The following ARHGAP23 variants were observed in gnomAD, a reference collection of about 807,000 sequenced individuals.
The protein encoded by ARHGAP23 is rho GTPase-activating protein 23.
Under a neutral mutation model 136.3 loss-of-function variants are expected in ARHGAP23, and 34 were observed. The ratio of observed to expected loss-of-function variants is 0.25; its 90% CI spans 0.19 to 0.33. The LOEUF (loss-of-function observed/expected upper bound fraction) is 0.33. Ranked by LOEUF, ARHGAP23 falls within the 10% of genes least tolerant of loss-of-function variation. The pLI, the probability that ARHGAP23 is intolerant of heterozygous loss-of-function variation, is 1.00. For missense variants in ARHGAP23, 1,808 were observed against 2,139.0 expected, an observed-to-expected ratio of 0.85 and a Z score of 3.05; for synonymous variants, 832 against 920.5, an observed-to-expected ratio of 0.90 and a Z score of 1.74.
chr17:38,509,841 T>C lies in ARHGAP23; in HGVS notation c.3448-103T>C, dbSNP rs1236951274. On this transcript the variant is annotated intron_variant, in intron 23 of 23. Transcript: ENST00000622683. ...GTGGGTGCTGGCCTTGGCTGGGGCT[T>C]GTGGCGACTGGGTGCCGTGACGTGG... 5 of 933,014 alleles carry C rather than the reference T, an allele frequency of 5.4e-6. No individual in the cohort carries two copies. In the African/African-American group the frequency reaches 6.9e-5, roughly 13 times the overall value. 57.8% of individuals were successfully genotyped at this position (933,014 alleles called of 1,614,324 possible).
chr17:38,421,840 C>G (rs2038523600), intron 1 of ARHGAP23, among the ~76,000 whole-genome samples: 1 of 152,206 alleles, frequency 6.6e-6, no homozygotes, highest in Non-Finnish European at 1.5e-5. Context: ...GAGGTGGGAG[C>G]CTCCTCTCTA....
intron 1 of ARHGAP23, among the ~76,000 whole-genome samples, chr17:38,430,803 C>T (rs2038670356): frequency 6.6e-6 from 1 of 152,056 alleles, no homozygotes; most frequent in East Asian, 1.9e-4. Context: ...TCAAATATTC[C>T]AGCAAATATA....
chr17:38,469,175 A>C lies in ARHGAP23; in HGVS notation c.1680A>C (p.Gln560His). Residue 560 changes from glutamine to histidine, a missense_variant, in exon 8 of 24, where the codon CAA becomes CAC. Around this residue, in one of 7 missense-constraint regions of ARHGAP23, gnomAD observed 859 missense variants for 936.4 expected, o/e 0.92. Transcript: ENST00000622683. ...CCACCAGCCCCAGCATTGACCTCCA[A>C]GCCAAGCACGTCCCTGCCTCTGCTG... is the stretch of plus-strand genomic sequence containing the variant. ...DEPTSPSIDL[Q>H]AKHVPASAVV... 6.4e-7 allele frequency: 1 copy of C among 1,551,424 alleles called. No homozygotes were observed.
chr17:38,428,436 T>G, upstream of ARHGAP23: 1 of 1,197,436 alleles, frequency 8.4e-7, no homozygotes, highest in Non-Finnish European at 1.1e-6. Context: ...CCCGGGTCCC[T>G]GCCGGCGCCC....
chr17:38,452,979 AGT>A (rs1021206552), intron 1 of ARHGAP23, among the ~76,000 whole-genome samples: 7 of 152,056 alleles, frequency 4.6e-5, no homozygotes, highest in Non-Finnish European at 8.8e-5. Context: ...TGCGCTTAAG[AGT>A]GTGTGGCTGT....
At chr17:38,464,340 G>A (rs1394448885) in intron 6 of ARHGAP23, among the ~76,000 whole-genome samples, 2 of 152,086 alleles carry the variant, frequency 1.3e-5, no homozygotes, top group Non-Finnish European at 2.9e-5. Context: ...TTTGTGCCTG[G>A]AGCCCCGGCG....
At chr17:38,498,728 C>T (rs1008210193) in intron 22 of ARHGAP23, among the ~76,000 whole-genome samples, 6 of 152,210 alleles carry the variant, frequency 3.9e-5, no homozygotes. Context: ...TGCCCCGCCC[C>T]GGGCAGGGTC....
chr17:38,490,987 C>T (rs551221925), intron 19 of ARHGAP23, among the ~76,000 whole-genome samples: 1 of 152,340 alleles, frequency 6.6e-6, no homozygotes, highest in African/African-American at 2.4e-5. Flanking sequence ...GGCACGATCT[C>T]GGCTTACTGC....
At chr17:38,446,715 G>T (rs1198001934) in intron 1 of ARHGAP23, among the ~76,000 whole-genome samples, 1 of 151,494 alleles carries the variant, frequency 6.6e-6, no homozygotes. Flanking sequence ...TGGTTCAAGC[G>T]ATTCTCCTGC....
chr17:38,436,391 C>A (rs1188635511), intron 1 of ARHGAP23, among the ~76,000 whole-genome samples: 1 of 132,706 alleles, frequency 7.5e-6, no homozygotes, highest in Non-Finnish European at 1.8e-5. Flanking sequence ...CTACCCCTAC[C>A]CCCCCAAAAA....
chr17:38,467,935 C>T (rs1315679128), intron 7 of ARHGAP23, among the ~76,000 whole-genome samples: 1 of 152,206 alleles, frequency 6.6e-6, no homozygotes, highest in African/African-American at 2.4e-5. Context: ...GTGCATGGCT[C>T]CATGCTCTCC....
chr17:38,494,960 G>T (rs2040359019), intron 20 of ARHGAP23, among the ~76,000 whole-genome samples: 1 of 152,146 alleles, frequency 6.6e-6, no homozygotes, highest in African/African-American at 2.4e-5. Flanking sequence ...TGGCTTCTTT[G>T]GGCCGATCCT....
intron 23 of ARHGAP23, among the ~76,000 whole-genome samples, chr17:38,503,260 G>A (rs571282535): frequency 7.2e-5 from 11 of 152,306 alleles, no homozygotes; most frequent in African/African-American, 2.4e-5. Context: ...TTGGCAGCAG[G>A]TCATTGGGGT....
Position 38,477,462 on chromosome 17 carries a change from C to T in ARHGAP23, c.2119-117C>T, listed in dbSNP as rs2039920971. On this transcript the variant is annotated intron_variant, in intron 11 of 23. Coordinates refer to ENST00000622683, the MANE Select transcript of ARHGAP23 (RefSeq NM_001199417.2). This position sits in a 1 kb window ranked among gnomAD's most constrained non-coding sequence, Gnocchi z 6.6. ...GTCTAGCCGGGTGGAGCAGGGGGCT[C>T]CTGGTAGGCAGCGTGGGGTCCATCC... is the stretch of plus-strand genomic sequence containing the variant. The T allele has an allele frequency of 9.9e-7, 1 of 1,005,214 alleles. No individual in the cohort carries two copies. Among genetic ancestry groups the T allele is most frequent in the Non-Finnish European group, 1.2e-6 (1 of 813,192 alleles). The allele number at this position is 1,005,214 out of a possible 1,614,324, so 62.3% of individuals were successfully genotyped here. A position where few individuals can be genotyped will look rare whatever the true frequency, so the allele number is the denominator to read the frequency against.
rs1597860987 is a variant in ARHGAP23 at position 38,510,998 on chromosome 17, G to A, written c.*26G>A. 8 of 1,403,242 alleles carry A rather than the reference G, an allele frequency of 5.7e-6. No homozygotes were observed. Among genetic ancestry groups the A allele is most frequent in the Non-Finnish European group, 7.3e-6 (8 of 1,092,398 alleles). 86.9% of individuals were successfully genotyped at this position (1,403,242 alleles called of 1,614,324 possible). On this transcript the variant is annotated 3_prime_UTR_variant, in exon 24 of 24. Transcript: ENST00000622683. This position sits in a 1 kb window ranked among gnomAD's most constrained non-coding sequence, Gnocchi z 4.6. Reference sequence around the variant, plus strand: ...TCCCCACCTCCCGCGCCGCTCGGGCGCCACCCCTCCCTAGAGCCCCTTTGG... The same window carrying A: ...TCCCCACCTCCCGCGCCGCTCGGGCACCACCCCTCCCTAGAGCCCCTTTGG...
In ARHGAP23 at chr17:38,510,157, G is replaced by A; in HGVS notation, c.3661G>A (p.Val1221Ile). 7.8e-7 allele frequency: 1 copy of A among 1,284,116 alleles called. No homozygotes were observed. The highest frequency in any genetic ancestry group is 9.8e-7 in the Non-Finnish European group (1 of 1,023,938). 79.5% of individuals were successfully genotyped at this position (1,284,116 alleles called of 1,614,324 possible). The change falls in exon 24 of 24, where the codon GTC (valine) becomes ATC (isoleucine). Residue 1221 changes from valine (V) to isoleucine (I), a missense_variant. By Grantham distance (29) the Val-to-Ile change is conservative. Around this residue, in one of 7 missense-constraint regions of ARHGAP23, gnomAD observed 506 missense variants for 455.8 expected, o/e 1.11. Coordinates refer to ENST00000622683, the MANE Select transcript of ARHGAP23 (RefSeq NM_001199417.2). This position sits in a 1 kb window ranked among gnomAD's most constrained non-coding sequence, Gnocchi z 4.6. ...ERPQGPLPGA[V>I]APEAPGRLSP... ...GCCGCAGGGGCCGCTGCCTGGCGCC[G>A]TCGCCCCCGAGGCCCCCGGACGCCT...
intron 20 of ARHGAP23, 21 bp downstream of exon 20, chr17:38,491,553 G>A (rs1387685472): frequency 4.5e-6 from 7 of 1,549,214 alleles, no homozygotes; most frequent in Non-Finnish European, 6.1e-6. Flanking sequence ...GTTCCGGGGG[G>A]CGCCCGGCAG....
chr17:38,463,981 A>G (rs1274451788), intron 6 of ARHGAP23, among the ~76,000 whole-genome samples: 2 of 151,966 alleles, frequency 1.3e-5, no homozygotes, highest in African/African-American at 4.8e-5. Context: ...ACCACAACAC[A>G]CACCCACAAA....
At chr17:38,474,825 AGC>A (rs1427561476) in intron 11 of ARHGAP23, among the ~76,000 whole-genome samples, 4 of 152,110 alleles carry the variant, frequency 2.6e-5, no homozygotes, top group Admixed American at 1.3e-4. Context: ...ATGGGGTGGG[AGC>A]CATGAGGCAA....
Sources: allele counts gnomAD v4.1 joint callset (sites outside exome capture counted in the v4.1 genomes callset), GRCh38; gene constraint gnomAD v4.1.1; regional missense constraint gnomAD v4.1.1; non-coding constraint Gnocchi (gnomAD v3.1); transcripts MANE v1.5; gene names NCBI Gene and HGNC (gene_info 2026-07-23, HGNC 2026-07-21).